EPHA6: variants seen among roughly 807,000 people sequenced by gnomAD.
EPHA6 encodes ephrin type-A receptor 6.
EPHA6 carries 50 observed loss-of-function variants against 112.0 expected under a neutral mutation model. The observed-to-expected ratio is 0.45, with a 90% CI of 0.36 to 0.56. The LOEUF is 0.56. EPHA6 is among the 20% of genes least tolerant of loss of function. The probability of loss-of-function intolerance (pLI) is 0.00; values close to 1 mark genes in which losing one functional copy is unlikely to be tolerated. For synonymous variants in EPHA6, 529 were observed against 490.7 expected, an observed-to-expected ratio of 1.08 and a Z score of -1.03; for missense variants, 1,280 against 1,417.4, an observed-to-expected ratio of 0.90 and a Z score of 1.56.
rs113063387 is a variant in EPHA6, at chr3:97,507,557, C to T, written c.2200+23498C>T. On this transcript the variant is annotated intron_variant, in intron 10 of 17. Transcript: ENST00000389672. ...TAAGCTTTTTGATATGCTGGCAGATCGTTTTGCCAGTATTTTATTGAGGAT... is the reference window on the plus strand; with the variant it reads ...TAAGCTTTTTGATATGCTGGCAGATTGTTTTGCCAGTATTTTATTGAGGAT... Among the ~76,000 whole-genome samples, 764 of 152,090 alleles carry T rather than the reference C, an allele frequency of 5.0e-3. 8 individuals carry two copies. The highest frequency in any genetic ancestry group is 0.018 in the African/African-American group (732 of 41,496).
chr3:97,412,956 C>A (rs1213215466), intron 6 of EPHA6, among the ~76,000 whole-genome samples: 2 of 151,762 alleles, frequency 1.3e-5, no homozygotes, highest in Non-Finnish European at 2.9e-5. Context: ...GGCTAATACC[C>A]ACCAAGAATC....
At chr3:97,524,281 G>T (rs887134215) in intron 10 of EPHA6, among the ~76,000 whole-genome samples, 1 of 151,728 alleles carries the variant, frequency 6.6e-6, no homozygotes, top group South Asian at 2.1e-4. Context: ...GTTATCATGA[G>T]GCTTGCATAA....
chr3:97,454,272 C>T (rs2090612965), intron 7 of EPHA6, among the ~76,000 whole-genome samples: 1 of 151,626 alleles, frequency 6.6e-6, no homozygotes, highest in Non-Finnish European at 1.5e-5. Flanking sequence ...GTTGTAAACT[C>T]ATTGAGATAA....
At chr3:97,431,412 G>C (rs2089497696) in intron 6 of EPHA6, among the ~76,000 whole-genome samples, 1 of 152,064 alleles carries the variant, frequency 6.6e-6, no homozygotes, top group East Asian at 1.9e-4. Flanking sequence ...TGGTTGAATA[G>C]AATATAAATT....
At chr3:97,654,337 A>T (rs942296018) in intron 14 of EPHA6, among the ~76,000 whole-genome samples, 6 of 151,956 alleles carry the variant, frequency 3.9e-5, no homozygotes, top group African/African-American at 1.4e-4. Flanking sequence ...AAGTAATTAC[A>T]ATCTGAGATT....
At chr3:97,034,283 C>G (rs1412811320) in intron 3 of EPHA6, among the ~76,000 whole-genome samples, 1 of 151,850 alleles carries the variant, frequency 6.6e-6, no homozygotes, top group East Asian at 1.9e-4. Context: ...GAATTTTGTA[C>G]TTTCTGACCT....
chr3:97,495,467 A>G (rs1293680986), intron 10 of EPHA6, among the ~76,000 whole-genome samples: 2 of 151,926 alleles, frequency 1.3e-5, no homozygotes, highest in Non-Finnish European at 2.9e-5. Flanking sequence ...TATAGAATAT[A>G]TGATATGGAA....
At chr3:96,907,090 G>A (rs770282485) in intron 2 of EPHA6, among the ~76,000 whole-genome samples, 8 of 151,700 alleles carry the variant, frequency 5.3e-5, no homozygotes, top group Non-Finnish European at 7.4e-5. Flanking sequence ...ATTATGGAAC[G>A]TTATAATGAA....
Position 97,209,051 on chromosome 3 carries a change from T to C in EPHA6, c.1115-17213T>C, listed in dbSNP as rs573061067. Among the ~76,000 whole-genome samples the C allele has an allele frequency of 7.9e-5, 12 of 152,296 alleles. 1 individual carries two copies. The South Asian group carries it at 1.7e-3, about 21-fold the overall frequency. On this transcript the variant is annotated intron_variant, in intron 3 of 17. Transcript: ENST00000389672. Reference sequence around the variant, plus strand: ...TGTAATTTTGACTAATAAGTGTACATTAACTATGTGTACAAGCAATGATAC... The same window carrying C: ...TGTAATTTTGACTAATAAGTGTACACTAACTATGTGTACAAGCAATGATAC...
At chr3:97,092,515 TC>T (rs758280992) in intron 3 of EPHA6, among the ~76,000 whole-genome samples, 23 of 152,072 alleles carry the variant, frequency 1.5e-4, no homozygotes, top group Non-Finnish European at 1.5e-5. Flanking sequence ...TTTGTTTCTT[TC>T]AATGAATGTG....
chr3:96,915,789 T>C (rs1039181855), intron 2 of EPHA6, among the ~76,000 whole-genome samples: 3 of 152,124 alleles, frequency 2.0e-5, no homozygotes, highest in Non-Finnish European at 4.4e-5. Flanking sequence ...CAGGCATTGT[T>C]CTTAGCACTT....
intron 6 of EPHA6, among the ~76,000 whole-genome samples, chr3:97,426,833 T>G (rs2089162130): frequency 6.6e-6 from 1 of 152,040 alleles, no homozygotes. Flanking sequence ...TATAAGGAAC[T>G]TACACAAATT....
At chr3:97,277,244 TA>T (rs2080119339) in intron 5 of EPHA6, among the ~76,000 whole-genome samples, 1 of 151,290 alleles carries the variant, frequency 6.6e-6, no homozygotes, top group African/African-American at 2.4e-5. Flanking sequence ...CGAAGGGAGA[TA>T]GGGGTGGGGC....
intron 3 of EPHA6, among the ~76,000 whole-genome samples, chr3:97,203,112 A>T (rs1437008352): frequency 6.6e-6 from 1 of 152,134 alleles, no homozygotes; most frequent in East Asian, 1.9e-4. Context: ...GCCATCAATT[A>T]GAGGCTTTAT....
intron 3 of EPHA6, among the ~76,000 whole-genome samples, chr3:97,015,183 C>T (rs1361967291): frequency 6.6e-6 from 1 of 152,116 alleles, no homozygotes; most frequent in African/African-American, 2.4e-5. Context: ...AAAGAAGTAA[C>T]ATTATACAAT....
intron 3 of EPHA6, among the ~76,000 whole-genome samples, chr3:97,115,939 G>C (rs1387655916): frequency 6.6e-6 from 1 of 151,638 alleles, no homozygotes; most frequent in Non-Finnish European, 1.5e-5. Context: ...ACAAATCATA[G>C]TACTTGCAGT....
chr3:97,177,803 T>A (rs1299257726), intron 3 of EPHA6, among the ~76,000 whole-genome samples: 1 of 152,042 alleles, frequency 6.6e-6, no homozygotes, highest in Non-Finnish European at 1.5e-5. Context: ...GCATGGAATA[T>A]CTCTTACCAT....
chr3:97,691,854 T>C (rs1018275050), intron 14 of EPHA6, among the ~76,000 whole-genome samples: 1 of 152,212 alleles, frequency 6.6e-6, no homozygotes, highest in Non-Finnish European at 1.5e-5. Context: ...TTCGGCCCCT[T>C]CCAGTATTCT....
intron 6 of EPHA6, among the ~76,000 whole-genome samples, chr3:97,414,311 T>G (rs1368055843): frequency 6.6e-6 from 1 of 152,038 alleles, no homozygotes; most frequent in African/African-American, 2.4e-5. Context: ...CAACCAATTC[T>G]CCCAACTCTG....
Sources: gnomAD v4.1 joint callset for allele counts (sites outside exome capture counted in the v4.1 genomes callset) on GRCh38, gnomAD v4.1.1 for gene constraint, MANE v1.5 for transcripts, NCBI Gene and HGNC (gene_info 2026-07-23, HGNC 2026-07-21) for gene names.